Variants in IGFBP4 observed in about 807,000 individuals in gnomAD.
IGFBP4 encodes insulin-like growth factor-binding protein 4.
In IGFBP4, 9 loss-of-function variants were observed where a neutral mutation model predicts 25.8. The ratio of observed to expected loss-of-function variants is 0.35; its 90% CI spans 0.21 to 0.61. IGFBP4 has a LOEUF of 0.61. Ranked by LOEUF, IGFBP4 falls within the 20% of genes least tolerant of loss-of-function variation. The pLI is 0.77. For missense variants in IGFBP4, 315 were observed against 365.3 expected, an observed-to-expected ratio of 0.86 and a Z score of 1.12; for synonymous variants, 153 against 153.9, an observed-to-expected ratio of 0.99 and a Z score of 0.05.
chr17:40,443,785 G>T lies in IGFBP4; in HGVS notation c.50G>T (p.Gly17Val). Residue 17 changes from glycine to valine, a missense_variant, in exon 1 of 4, where the codon GGG (glycine) becomes GTG (valine). By Grantham distance (109) the Gly-to-Val change is moderately radical. Transcript: ENST00000269593. ...VAALLLAAGP[G>V]PSLGDEAIHC... The stretch of plus-strand genomic sequence containing the variant: ...GCCCTGCTGCTGGCCGCCGGGCCCG[G>T]GCCGAGCCTGGGCGACGAAGCCATC... The T allele has an allele frequency of 6.6e-7, 1 of 1,518,516 alleles. No individual in the cohort carries two copies. Among genetic ancestry groups the T allele is most frequent in the East Asian group, 2.6e-5 (1 of 38,346 alleles). The allele number at this position is 1,518,516 out of a possible 1,614,324, so 94.1% of individuals were successfully genotyped here. A position where few individuals can be genotyped will look rare whatever the true frequency, so the allele number is the denominator to read the frequency against.
chr17:40,456,859 G>A lies in IGFBP4; in HGVS notation c.*276G>A, dbSNP rs1159108220. On this transcript the variant is annotated 3_prime_UTR_variant, in exon 4 of 4. Coordinates refer to ENST00000269593, the MANE Select transcript of IGFBP4 (RefSeq NM_001552.3). ...CTGGCACTTAGCCCAAGAGGTCTGAGCCCTGGTGTGTTTCCAGATCGATCC... is the reference window on the plus strand; with the variant it reads ...CTGGCACTTAGCCCAAGAGGTCTGAACCCTGGTGTGTTTCCAGATCGATCC... 4 of 448,194 alleles carry A rather than the reference G, an allele frequency of 8.9e-6. No homozygotes were observed. Among genetic ancestry groups the A allele is most frequent in the Non-Finnish European group, 1.6e-5 (4 of 253,922 alleles). 27.8% of individuals were successfully genotyped at this position (448,194 alleles called of 1,614,324 possible).
Position 40,444,877 on chromosome 17 carries a change from AGAGAG to A in IGFBP4, c.349+794_349+798del, listed in dbSNP as rs1423589542. Among the ~76,000 whole-genome samples, 10 of 145,850 alleles carry A rather than the reference AGAGAG, an allele frequency of 6.9e-5. No homozygotes were observed. The East Asian group carries it at 1.8e-3, about 26-fold the overall frequency. ...GAGAAACAGAGAGAGAGAGAGAGAG[AGAGAG>A]AAACACACACACACACACACACACA... On this transcript the variant is annotated intron_variant, in intron 1 of 3. Transcript: ENST00000269593.
At chr17:40,448,312 C>T (rs1368576827) in intron 1 of IGFBP4, among the ~76,000 whole-genome samples, 4 of 152,256 alleles carry the variant, frequency 2.6e-5, no homozygotes, top group Non-Finnish European at 4.4e-5. Flanking sequence ...ACTTTGCAGC[C>T]GGTGGTGCCA....
intron 1 of IGFBP4, among the ~76,000 whole-genome samples, chr17:40,448,519 C>T (rs908505578): frequency 1.3e-5 from 2 of 152,240 alleles, no homozygotes; most frequent in African/African-American, 2.4e-5. Context: ...TCTGACTCCA[C>T]TCCTGCTCAG....
intron 1 of IGFBP4, among the ~76,000 whole-genome samples, chr17:40,451,600 G>A (rs527569862): frequency 1.3e-5 from 2 of 152,242 alleles, no homozygotes; most frequent in African/African-American, 4.8e-5. Context: ...CAAACCAGAT[G>A]TAACCTCCTG....
intron 3 of IGFBP4, among the ~76,000 whole-genome samples, chr17:40,455,198 C>A (rs1308277492): frequency 6.6e-6 from 1 of 152,008 alleles, no homozygotes; most frequent in Admixed American, 6.5e-5. Flanking sequence ...TGTCATCCAC[C>A]CCAGTTTCCT....
rs778430180 is a variant in IGFBP4, at chr17:40,456,613, C to T, written c.*30C>T. ...TGCCAGCAGGCCAGGGACTCAGCGT[C>T]CCCTGCTACTCCTGTGCTCTGGAGG... On this transcript the variant is annotated 3_prime_UTR_variant, in exon 4 of 4. Transcript: ENST00000269593. The T allele has an allele frequency of 6.2e-7, 1 of 1,604,524 alleles. No individual in the cohort carries two copies. The highest frequency in any genetic ancestry group is 1.1e-5 in the South Asian group (1 of 90,728).
At position 40,457,706 on chromosome 17, in the gene IGFBP4, ACAAAAC is replaced by A. The variant is rs1293542558; in HGVS notation, c.*1129_*1134del. On this transcript the variant is annotated 3_prime_UTR_variant, in exon 4 of 4. Coordinates refer to ENST00000269593, the MANE Select transcript of IGFBP4 (RefSeq NM_001552.3). Reference sequence around the variant, plus strand: ...TTTTTCTTTTTTTTAACAAAACAGAACAAAACCAAAAAATGTCCAGATGATTGTGTT... The same window carrying A: ...TTTTTCTTTTTTTTAACAAAACAGAACAAAAAATGTCCAGATGATTGTGTT... 2 of 152,168 alleles carry A rather than the reference ACAAAAC, an allele frequency of 1.3e-5. No individual in the cohort carries two copies. The highest frequency in any genetic ancestry group is 1.3e-4 in the Admixed American group (2 of 15,272). 9.4% of individuals were successfully genotyped at this position (152,168 alleles called of 1,614,324 possible).
intron 1 of IGFBP4, among the ~76,000 whole-genome samples, chr17:40,444,890 C>CAA (rs2035632894): frequency 4.4e-5 from 3 of 67,574 alleles, no homozygotes; most frequent in Admixed American, 3.8e-4. Flanking sequence ...GAGAAACACA[C>CAA]ACACACACAC....
In IGFBP4 at chr17:40,443,581, C is replaced by A. The variant is rs1305638224; in HGVS notation, c.-155C>A. ...TAACTTCCCCCGCTACGTCCCCGTTCGCCCGCCGGGCCGCCCCGTCTCCCC... is the reference window on the plus strand; with the variant it reads ...TAACTTCCCCCGCTACGTCCCCGTTAGCCCGCCGGGCCGCCCCGTCTCCCC... On this transcript the variant is annotated 5_prime_UTR_variant, in exon 1 of 4. Transcript: ENST00000269593. 6 of 193,756 alleles carry A rather than the reference C, an allele frequency of 3.1e-5. No individual in the cohort carries two copies. Among genetic ancestry groups the A allele is most frequent in the African/African-American group, 1.2e-4 (5 of 42,076 alleles). 12.0% of individuals were successfully genotyped at this position (193,756 alleles called of 1,614,324 possible). A position where few individuals can be genotyped will look rare whatever the true frequency, so the allele number is the denominator to read the frequency against.
intron 1 of IGFBP4, among the ~76,000 whole-genome samples, chr17:40,449,119 A>G (rs1237790072): frequency 6.6e-6 from 1 of 152,188 alleles, no homozygotes; most frequent in Non-Finnish European, 1.5e-5. Context: ...GGGAGAAGCC[A>G]GGCAGTTTGC....
intron 1 of IGFBP4, among the ~76,000 whole-genome samples, chr17:40,445,074 CTT>C (rs2035637041): frequency 6.6e-6 from 1 of 151,812 alleles, no homozygotes; most frequent in South Asian, 2.1e-4. Flanking sequence ...TCTTTTCCTT[CTT>C]TCTCTTGCTC....
chr17:40,446,266 C>T (rs113226567), intron 1 of IGFBP4, among the ~76,000 whole-genome samples: 4 of 145,300 alleles, frequency 2.8e-5, no homozygotes, highest in African/African-American at 1.0e-4. Context: ...TTACAATGAG[C>T]TATGATCACG....
chr17:40,448,246 T>C (rs2035661583), intron 1 of IGFBP4, among the ~76,000 whole-genome samples: 1 of 152,150 alleles, frequency 6.6e-6, no homozygotes, highest in South Asian at 2.1e-4. Context: ...TGGGGAGAAA[T>C]TGTGAGGGTA....
rs546264729 is a variant in IGFBP4 at position 40,456,642 on chromosome 17, C to T, written c.*59C>T. On this transcript the variant is annotated 3_prime_UTR_variant, in exon 4 of 4. Transcript: ENST00000269593. The stretch of plus-strand genomic sequence containing the variant: ...TGCTACTCCTGTGCTCTGGAGGCTG[C>T]AGAGCTGACCCAGAGTGGAGTCTGA... 5 of 1,529,804 alleles carry T rather than the reference C, an allele frequency of 3.3e-6. No homozygotes were observed. The highest frequency in any genetic ancestry group is 2.0e-5 in the Admixed American group (1 of 50,158). 94.8% of individuals were successfully genotyped at this position (1,529,804 alleles called of 1,614,324 possible).
At chr17:40,454,516 C>T (rs915102445) in intron 3 of IGFBP4, among the ~76,000 whole-genome samples, 13 of 152,176 alleles carry the variant, frequency 8.5e-5, no homozygotes, top group Non-Finnish European at 1.5e-4. Flanking sequence ...GGAAACTCAG[C>T]CTACCCCTCC....
chr17:40,453,135 G>A lies in IGFBP4; in HGVS notation c.500G>A (p.Arg167Gln), dbSNP rs765348570. Residue 167 changes from arginine (R) to glutamine (Q), a missense_variant, in exon 2 of 4, where the codon CGG becomes CAG. By Grantham distance (43) the Arg-to-Gln change is conservative (BLOSUM62 1). Transcript: ENST00000269593. The surrounding 1 kb of genome is among the most constrained non-coding windows in gnomAD (Gnocchi z 4.0). ...AATGGGGCGCCCCGGGAGGATGCCC[G>A]GCCTGTGGTAAGGACCTCCGATGCA... Reference protein sequence around the residue: ...KVNGAPREDARPVPQGSCQSE... With the variant: ...KVNGAPREDAQPVPQGSCQSE... 3.6e-5 allele frequency: 56 copies of A among 1,565,842 alleles called. No individual in the cohort carries two copies. The highest frequency in any genetic ancestry group is 4.7e-5 in the Non-Finnish European group (54 of 1,153,864).
At chr17:40,451,476 AC>A (rs959971500) in intron 1 of IGFBP4, among the ~76,000 whole-genome samples, 2 of 148,700 alleles carry the variant, frequency 1.3e-5, no homozygotes, top group South Asian at 2.2e-4. Context: ...AAGAGAACCA[AC>A]CCCCCCAGCT....
At chr17:40,451,553 A>G (rs2035682864) in intron 1 of IGFBP4, among the ~76,000 whole-genome samples, 1 of 151,908 alleles carries the variant, frequency 6.6e-6, no homozygotes, top group African/African-American at 2.4e-5. Flanking sequence ...CGCATGGAGG[A>G]ACCTGCTAAC....
Sources: gnomAD v4.1 joint callset for allele counts (sites outside exome capture counted in the v4.1 genomes callset) on GRCh38, gnomAD v4.1.1 for gene constraint, Gnocchi (gnomAD v3.1) non-coding constraint, MANE v1.5 for transcripts, NCBI Gene and HGNC (gene_info 2026-07-23, HGNC 2026-07-21) for gene names.